Variants in KIF13B observed in about 807,000 individuals in gnomAD.
KIF13B encodes kinesin-like protein KIF13B.
In KIF13B, 127 loss-of-function variants were observed where a neutral mutation model predicts 222.0. The ratio of observed to expected loss-of-function variants is 0.57; its 90% confidence interval spans 0.50 to 0.66. KIF13B has a LOEUF of 0.66. Ranked by LOEUF, KIF13B falls within the 30% of genes least tolerant of loss-of-function variation. The pLI, the probability that KIF13B is intolerant of heterozygous loss-of-function variation, is 0.00. For missense variants in KIF13B, 2,173 were observed against 2,379.0 expected (o/e 0.91, Z 1.80); for synonymous variants, 976 against 919.0 (o/e 1.06, Z -1.12).
intron 30 of KIF13B, among the ~76,000 whole-genome samples, chr8:29,118,087 G>A (rs1050120567): frequency 1.3e-5 from 2 of 152,016 alleles, no homozygotes; most frequent in Admixed American, 1.3e-4. Context: ...GAACCCAGGA[G>A]GCAGAGATTG....
chr8:29,142,113 C>T (rs763345264), intron 19 of KIF13B, 44 bp downstream of exon 19: 2 of 1,557,674 alleles, frequency 1.3e-6, no homozygotes, highest in Admixed American at 1.7e-5. Flanking sequence ...AGCTTGGCTC[C>T]TTCCATAATT....
At chr8:29,093,573 A>G (rs746250717) in intron 36 of KIF13B, among the ~76,000 whole-genome samples, 1 of 152,220 alleles carries the variant, frequency 6.6e-6, no homozygotes, top group Non-Finnish European at 1.5e-5. Context: ...AGAAATGAAC[A>G]AGCAAGTCAC....
intron 10 of KIF13B, among the ~76,000 whole-genome samples, chr8:29,173,017 C>T (rs1812315352): frequency 6.6e-6 from 1 of 151,832 alleles, no homozygotes; most frequent in South Asian, 2.1e-4. Context: ...CAGGTTCAAG[C>T]CATTCTCCTG....
chr8:29,190,950 C>T (rs1813153602), intron 4 of KIF13B, 47 bp downstream of exon 4: 2 of 1,455,114 alleles, frequency 1.4e-6, no homozygotes, highest in South Asian at 1.1e-5. Context: ...AATACTGAAC[C>T]CCTCTTCTAC....
At position 29,150,281 on chromosome 8, in the gene KIF13B, A is replaced by G. The variant is rs749639017; in HGVS notation, c.1622+16T>C. 14 of 1,421,900 alleles carry G rather than the reference A, an allele frequency of 9.8e-6. 1 individual carries two copies. Among genetic ancestry groups the G allele is most frequent in the Middle Eastern group, 1.7e-4 (1 of 5,718 alleles). The allele number at this position is 1,421,900 out of a possible 1,614,324, so 88.1% of individuals were successfully genotyped here. A position where few individuals can be genotyped will look rare whatever the true frequency, so the allele number is the denominator to read the frequency against. On this transcript the variant is annotated intron_variant, in intron 15 of 39. Transcript: ENST00000524189. ...ATCTTCAACAATCTCTTTAAGGGACATGAACAACATCATACCTGAAGAAAT... is the reference window on the plus strand; with the variant it reads ...ATCTTCAACAATCTCTTTAAGGGACGTGAACAACATCATACCTGAAGAAAT...
intron 2 of KIF13B, among the ~76,000 whole-genome samples, chr8:29,227,342 T>A (rs1366068642): frequency 6.6e-6 from 1 of 152,024 alleles, no homozygotes; most frequent in Non-Finnish European, 1.5e-5. Context: ...CAGACTGGAG[T>A]GCAATGTCAT....
chr8:29,123,083 C>T (rs1169902681), intron 28 of KIF13B, among the ~76,000 whole-genome samples: 1 of 152,132 alleles, frequency 6.6e-6, no homozygotes, highest in Non-Finnish European at 1.5e-5. Flanking sequence ...AAGTAATTAA[C>T]ATATTAACTA....
chr8:29,120,215 C>T (rs1209863044), intron 29 of KIF13B, among the ~76,000 whole-genome samples: 97 of 116,902 alleles, frequency 8.3e-4, no homozygotes, highest in African/African-American at 2.8e-3. Flanking sequence ...TTTTAGGGTA[C>T]ATGTGCACAT....
At position 29,262,681 on chromosome 8, in the gene KIF13B, G is replaced by A. The variant is rs551290048; in HGVS notation, c.55+299C>T. 2.3e-3 allele frequency among the ~76,000 whole-genome samples: 354 copies of A among 151,404 alleles called. 3 individuals are homozygous for A. The highest frequency in any genetic ancestry group is 8.1e-3 in the African/African-American group (334 of 41,366). ...CCGAGGGCGCCCTCGGGAACCTCCG[G>A]GGGAGACGAGAGGGCAAAAGGGCGC... On this transcript the variant is annotated intron_variant, in intron 1 of 39. Coordinates refer to ENST00000524189, the MANE Select transcript of KIF13B (RefSeq NM_015254.4).
intron 35 of KIF13B, among the ~76,000 whole-genome samples, chr8:29,104,535 T>C (rs1357429405): frequency 6.6e-6 from 1 of 152,188 alleles, no homozygotes; most frequent in East Asian, 1.9e-4. Context: ...AATGCAAAAT[T>C]ACACACCACA....
intron 37 of KIF13B, 111 bp from the exon 38 acceptor site, chr8:29,075,454 A>C (rs1239202430): frequency 2.1e-6 from 2 of 952,592 alleles, no homozygotes; most frequent in Non-Finnish European, 3.1e-6. Flanking sequence ...GAATCGGCCC[A>C]TCAGGTGTGC....
intron 1 of KIF13B, among the ~76,000 whole-genome samples, chr8:29,261,337 A>G (rs1328798622): frequency 6.6e-6 from 1 of 152,254 alleles, no homozygotes; most frequent in African/African-American, 2.4e-5. Flanking sequence ...AGAAAAGCAT[A>G]AGAATTTCCC....
intron 11 of KIF13B, among the ~76,000 whole-genome samples, chr8:29,166,852 G>T (rs1197358618): frequency 6.6e-6 from 1 of 152,196 alleles, no homozygotes; most frequent in Non-Finnish European, 1.5e-5. Context: ...ACAGAAAACA[G>T]CTGTAATAGA....
chr8:29,087,855 T>C (rs2133530615), intron 37 of KIF13B, among the ~76,000 whole-genome samples: 1 of 151,818 alleles, frequency 6.6e-6, no homozygotes, highest in Middle Eastern at 3.4e-3. Flanking sequence ...AGAGCTATCA[T>C]CACGCCACTG....
chr8:29,215,212 G>C (rs575525054), intron 2 of KIF13B, among the ~76,000 whole-genome samples: 4 of 152,164 alleles, frequency 2.6e-5, no homozygotes, highest in African/African-American at 9.6e-5. Flanking sequence ...GTGGTATGTG[G>C]GGAAGGGGAG....
At chr8:29,186,071 A>G (rs1812912310) in intron 6 of KIF13B, among the ~76,000 whole-genome samples, 1 of 152,188 alleles carries the variant, frequency 6.6e-6, no homozygotes, top group African/African-American at 2.4e-5. Flanking sequence ...CAAAGAGCTG[A>G]ATTCCACCTG....
At chr8:29,199,081 A>ATTTTTTT (rs1435870446) in intron 2 of KIF13B, among the ~76,000 whole-genome samples, 15 of 151,556 alleles carry the variant, frequency 9.9e-5, no homozygotes, top group East Asian at 3.9e-4. Flanking sequence ...AAAAAAATAA[A>ATTTTTTT]ATTTTTTAAA....
chr8:29,230,482 C>T (rs991013167), intron 2 of KIF13B, among the ~76,000 whole-genome samples: 10 of 152,174 alleles, frequency 6.6e-5, no homozygotes, highest in South Asian at 2.1e-4. Flanking sequence ...GCCAGGTCAA[C>T]GGACAGCCAG....
intron 29 of KIF13B, among the ~76,000 whole-genome samples, chr8:29,121,977 G>A (rs947643930): frequency 1.3e-5 from 2 of 152,156 alleles, no homozygotes; most frequent in Admixed American, 6.5e-5. Flanking sequence ...AGAAGAAGCC[G>A]GGCGCAGTGG....
Sources: gnomAD v4.1 joint callset for allele counts (sites outside exome capture counted in the v4.1 genomes callset) on GRCh38, gnomAD v4.1.1 for gene constraint, MANE v1.5 for transcripts, NCBI Gene and HGNC (gene_info 2026-07-23, HGNC 2026-07-21) for gene names.